Variants in PPIP5K2 observed in about 807,000 individuals in gnomAD.
PPIP5K2 encodes the protein diphosphoinositol pentakisphosphate kinase 2, also known as inositol hexakisphosphate and diphosphoinositol-pentakisphosphate kinase 2.
Under a neutral mutation model 154.6 loss-of-function variants are expected in PPIP5K2, and 105 were observed. The ratio of observed to expected loss-of-function variants is 0.68; its 90% CI spans 0.58 to 0.80. The LOEUF is 0.80. Among genes scored for constraint, PPIP5K2 ranks in the 30% least tolerant of loss-of-function variants. The pLI is 0.00. For missense variants in PPIP5K2, 992 were observed against 1,504.6 expected (o/e 0.66, Z 5.64); for synonymous variants, 480 against 490.3 (o/e 0.98, Z 0.28).
intron 17 of PPIP5K2, among the ~76,000 whole-genome samples, chr5:103,165,776 C>T (rs1797032598): frequency 6.6e-6 from 1 of 152,080 alleles, no homozygotes; most frequent in South Asian, 2.1e-4. Context: ...CCATCCACAT[C>T]AATTTTGCAA....
At chr5:103,165,338 G>C (rs1796963910) in intron 17 of PPIP5K2, among the ~76,000 whole-genome samples, 1 of 152,048 alleles carries the variant, frequency 6.6e-6, no homozygotes, top group African/African-American at 2.4e-5. Context: ...TTTTGACTCT[G>C]CAAAAACTTA....
chr5:103,143,447 G>A (rs1793187836), intron 5 of PPIP5K2, among the ~76,000 whole-genome samples: 1 of 152,174 alleles, frequency 6.6e-6, no homozygotes, highest in African/African-American at 2.4e-5. Flanking sequence ...TCAGACTCCA[G>A]AAGTGCTGGG....
intron 30 of PPIP5K2, among the ~76,000 whole-genome samples, chr5:103,200,348 A>G (rs963718093): frequency 1.1e-4 from 16 of 151,932 alleles, no homozygotes; most frequent in Non-Finnish European, 2.1e-4. Flanking sequence ...TAGCCATTGT[A>G]CATGGTGCAT....
Position 103,159,126 on chromosome 5 carries a change from T to A in PPIP5K2, c.1738-20T>A. Reference sequence around the variant, plus strand: ...GTATTAATTTTTTAAATTCGTGTTTTCTTTATTTAATATGCTTAGGGGCTT... The same window carrying A: ...GTATTAATTTTTTAAATTCGTGTTTACTTTATTTAATATGCTTAGGGGCTT... On this transcript the variant is annotated intron_variant, in intron 16 of 30. Coordinates refer to ENST00000358359, the MANE Select transcript of PPIP5K2 (RefSeq NM_001276277.3). 6.8e-7 allele frequency: 1 copy of A among 1,466,520 alleles called. No individual in the cohort carries two copies. The highest frequency in any genetic ancestry group is 9.2e-7 in the Non-Finnish European group (1 of 1,089,264). The allele number at this position is 1,466,520 out of a possible 1,614,324, so 90.8% of individuals were successfully genotyped here. A position where few individuals can be genotyped will look rare whatever the true frequency, so the allele number is the denominator to read the frequency against.
intron 4 of PPIP5K2, among the ~76,000 whole-genome samples, chr5:103,137,279 C>T (rs1791683772): frequency 6.6e-6 from 1 of 151,700 alleles, no homozygotes; most frequent in South Asian, 2.1e-4. Context: ...TCTCCTGCCT[C>T]AGCCTCCCGA....
intron 14 of PPIP5K2, among the ~76,000 whole-genome samples, chr5:103,157,894 C>G (rs1244957870): frequency 6.6e-6 from 1 of 152,030 alleles, no homozygotes; most frequent in East Asian, 1.9e-4. Context: ...TGAGAGCAGG[C>G]AAGGGAGAAA....
At chr5:103,142,940 T>G (rs1330546491) in intron 5 of PPIP5K2, among the ~76,000 whole-genome samples, 1 of 152,126 alleles carries the variant, frequency 6.6e-6, no homozygotes, top group Non-Finnish European at 1.5e-5. Flanking sequence ...AAATAATAAC[T>G]ACAACAACTT....
intron 1 of PPIP5K2, among the ~76,000 whole-genome samples, chr5:103,126,884 C>T (rs1439926554): frequency 1.3e-5 from 2 of 152,064 alleles, no homozygotes; most frequent in Non-Finnish European, 2.9e-5. Context: ...AGCACCCTCA[C>T]AGATACACCC....
In PPIP5K2 at chr5:103,202,424, C is replaced by T. The variant is rs1490045659; in HGVS notation, c.*790C>T. On this transcript the variant is annotated 3_prime_UTR_variant, in exon 31 of 31. Coordinates refer to ENST00000358359, the MANE Select transcript of PPIP5K2 (RefSeq NM_001276277.3). ...ATAGTTGACAAGTGTATAAATGTTACACTTACTTTCAGAGTTCTTTTTAGA... is the reference window on the plus strand; with the variant it reads ...ATAGTTGACAAGTGTATAAATGTTATACTTACTTTCAGAGTTCTTTTTAGA... The T allele has an allele frequency of 1.3e-5, 2 of 152,126 alleles. No individual in the cohort carries two copies. The highest frequency in any genetic ancestry group is 2.9e-5 in the Non-Finnish European group (2 of 68,004). The allele number at this position is 152,126 out of a possible 1,614,324, so 9.4% of individuals were successfully genotyped here. A position where few individuals can be genotyped will look rare whatever the true frequency, so the allele number is the denominator to read the frequency against.
chr5:103,134,536 G>T (rs1170973357), intron 3 of PPIP5K2, among the ~76,000 whole-genome samples: 1 of 152,158 alleles, frequency 6.6e-6, no homozygotes, highest in Admixed American at 6.5e-5. Flanking sequence ...ATTTCATAGA[G>T]AAGTCAAGAC....
chr5:103,153,397 C>T (rs1339125452), intron 10 of PPIP5K2, among the ~76,000 whole-genome samples: 4 of 151,542 alleles, frequency 2.6e-5, no homozygotes, highest in African/African-American at 9.7e-5. Flanking sequence ...TTTTATCTTC[C>T]AGTAATTTGA....
intron 4 of PPIP5K2, among the ~76,000 whole-genome samples, chr5:103,137,152 A>G (rs562442470): frequency 6.6e-6 from 1 of 151,270 alleles, no homozygotes; most frequent in Non-Finnish European, 1.5e-5. Context: ...GACTTTACTC[A>G]TTATAACTAG....
rs1803067404 is a variant in PPIP5K2 at position 103,201,799 on chromosome 5, ATGTT to A, written c.*170_*173del. 2 of 581,896 alleles carry A rather than the reference ATGTT, an allele frequency of 3.4e-6. No homozygotes were observed. The highest frequency in any genetic ancestry group is 3.0e-6 in the Non-Finnish European group (1 of 333,178). 36.0% of individuals were successfully genotyped at this position (581,896 alleles called of 1,614,324 possible). A position where few individuals can be genotyped will look rare whatever the true frequency, so the allele number is the denominator to read the frequency against. ...TCATGATCTGGAAATGTTTAAAACA[ATGTT>A]TGTTAGCATTCTGTGAGCAGCAAAA... On this transcript the variant is annotated 3_prime_UTR_variant, in exon 31 of 31. Coordinates refer to ENST00000358359, the MANE Select transcript of PPIP5K2 (RefSeq NM_001276277.3).
chr5:103,173,239 C>A lies in PPIP5K2; in HGVS notation c.2371C>A (p.Gln791Lys). The change falls in exon 20 of 31, where the codon CAG (glutamine) becomes AAG (lysine). Residue 791 changes from glutamine to lysine, a missense_variant. Transcript: ENST00000358359. ...GGTTAGAAAAATTCGCTCAGACCTTCAGAGGACACAAGATGATGACACTGT... is the reference window on the plus strand; with the variant it reads ...GGTTAGAAAAATTCGCTCAGACCTTAAGAGGACACAAGATGATGACACTGT... ...PLVRKIRSDL[Q>K]RTQDDDTVNK... The A allele has an allele frequency of 6.2e-7, 1 of 1,611,812 alleles. No individual in the cohort carries two copies. The highest frequency in any genetic ancestry group is 8.5e-7 in the Non-Finnish European group (1 of 1,178,530).
chr5:103,177,731 A>G lies in PPIP5K2; in HGVS notation c.2594A>G (p.Tyr865Cys), dbSNP rs1798929859. Residue 865 changes from tyrosine to cysteine, a missense_variant, in exon 22 of 31, where the codon TAC (tyrosine) becomes TGC (cysteine). Physicochemically the swap from Tyr to Cys is radical, Grantham distance 194. Around this residue, in one of 9 missense-constraint regions of PPIP5K2, gnomAD observed 157 missense variants for 281.2 expected, o/e 0.56. Transcript: ENST00000358359. ...TTAAACGTTGTCAATGAGCTCAACT[A>G]CATGACTCAGATTGTTATCATGCTT... The part of the protein sequence containing the change: ...DYLNVVNELN[Y>C]MTQIVIMLYE... 6.2e-7 allele frequency: 1 copy of G among 1,612,260 alleles called. No homozygotes were observed. The highest frequency in any genetic ancestry group is 1.7e-5 in the Admixed American group (1 of 59,880).
chr5:103,183,919 CATT>C (rs1375994955), intron 25 of PPIP5K2, among the ~76,000 whole-genome samples: 5 of 152,094 alleles, frequency 3.3e-5, no homozygotes, highest in African/African-American at 1.2e-4. Context: ...TTTTCTTCCT[CATT>C]ATTCCATTAT....
intron 3 of PPIP5K2, among the ~76,000 whole-genome samples, chr5:103,135,009 C>G (rs1791237615): frequency 6.6e-6 from 1 of 152,160 alleles, no homozygotes; most frequent in Admixed American, 6.5e-5. Flanking sequence ...TACTTTTTCT[C>G]TTAACTATTC....
chr5:103,169,611 C>T (rs1314360343), intron 19 of PPIP5K2, among the ~76,000 whole-genome samples: 2 of 151,574 alleles, frequency 1.3e-5, no homozygotes, highest in African/African-American at 4.8e-5. Context: ...ATAATATAGA[C>T]AATTTTAGGT....
intron 24 of PPIP5K2, among the ~76,000 whole-genome samples, chr5:103,182,990 A>G (rs1799772440): frequency 6.6e-6 from 1 of 152,016 alleles, no homozygotes; most frequent in African/African-American, 2.4e-5. Flanking sequence ...AAATATTTCC[A>G]TAGTTGTTAT....
Sources: allele counts gnomAD v4.1 joint callset (sites outside exome capture counted in the v4.1 genomes callset), GRCh38; gene constraint gnomAD v4.1.1; regional missense constraint gnomAD v4.1.1; transcripts MANE v1.5; gene names NCBI Gene and HGNC (gene_info 2026-07-23, HGNC 2026-07-21).